Variants in SLC12A1 observed in about 807,000 individuals in gnomAD.
SLC12A1 encodes solute carrier family 12 member 1, also known as Na-K-2Cl cotransporter.
Under a neutral mutation model 130.4 loss-of-function variants are expected in SLC12A1, and 89 were observed. The observed-to-expected ratio is 0.68, with a 90% CI of 0.58 to 0.81. SLC12A1 has a LOEUF of 0.81. Ranked by LOEUF, SLC12A1 falls within the 40% of genes least tolerant of loss-of-function variation. The probability of loss-of-function intolerance (pLI) is 0.00; values close to 1 mark genes in which losing one functional copy is unlikely to be tolerated. For missense variants in SLC12A1, 1,310 were observed against 1,336.4 expected (o/e 0.98, Z 0.31); for synonymous variants, 499 against 460.0 (o/e 1.08, Z -1.09).
chr15:48,268,945 T>C (rs1485688372), intron 18 of SLC12A1, among the ~76,000 whole-genome samples: 5 of 152,116 alleles, frequency 3.3e-5, no homozygotes, highest in Non-Finnish European at 5.9e-5. Flanking sequence ...GAAGAAATGG[T>C]AGAAAATTTG....
chr15:48,291,915 C>T, intron 24 of SLC12A1, 51 bp downstream of exon 24: 1 of 1,135,336 alleles, frequency 8.8e-7, no homozygotes, highest in South Asian at 1.4e-5. Context: ...CTCTCTCATT[C>T]TCTTTTGTGT....
At chr15:48,269,521 A>T (rs2041869509) in intron 18 of SLC12A1, 137 bp from the exon 19 acceptor site, 1 of 506,752 alleles carries the variant, frequency 2.0e-6, no homozygotes, top group Non-Finnish European at 3.6e-6. Flanking sequence ...GGCATGAAGG[A>T]CATGCACTAA....
At chr15:48,212,640 T>C (rs1020320494) in intron 2 of SLC12A1, among the ~76,000 whole-genome samples, 1 of 152,204 alleles carries the variant, frequency 6.6e-6, no homozygotes, top group Admixed American at 6.5e-5. Flanking sequence ...TTTTCAGCCT[T>C]ACTAACCACC....
At position 48,226,481 on chromosome 15, in the gene SLC12A1, G is replaced by C. The variant is rs752019810; in HGVS notation, c.634G>C (p.Gly212Arg). 6.3e-7 allele frequency: 1 copy of C among 1,580,400 alleles called. No homozygotes were observed. The highest frequency in any genetic ancestry group is 1.2e-5 in the South Asian group (1 of 86,634). Reference sequence around the variant, plus strand: ...CTATCTTTCATTGCTAACAGGTCTTGGAGTTCTCATAATTCTTCTTTCCAC... The same window carrying C: ...CTATCTTTCATTGCTAACAGGTCTTCGAGTTCTCATAATTCTTCTTTCCAC... ...WIVGEAGIGL[G>R]VLIILLSTMV... Residue 212 changes from glycine (G) to arginine (R), a missense_variant, in exon 5 of 27, where the codon GGA (glycine) becomes CGA (arginine). Gly to Arg is a moderately radical substitution (Grantham distance 125, BLOSUM62 -2). Coordinates refer to ENST00000380993, the MANE Select transcript of SLC12A1 (RefSeq NM_000338.3).
At chr15:48,253,940 T>C (rs1753313637) in intron 15 of SLC12A1, among the ~76,000 whole-genome samples, 1 of 152,258 alleles carries the variant, frequency 6.6e-6, no homozygotes, top group African/African-American at 2.4e-5. Context: ...TTGCCATCCA[T>C]ATATCTTTTT....
chr15:48,211,255 G>T (rs534069823), intron 2 of SLC12A1, among the ~76,000 whole-genome samples: 1 of 152,186 alleles, frequency 6.6e-6, no homozygotes, highest in Non-Finnish European at 1.5e-5. Context: ...GCCCATTCTA[G>T]TGTTGCTGAA....
At chr15:48,212,867 A>G (rs2041070166) in intron 2 of SLC12A1, among the ~76,000 whole-genome samples, 1 of 152,246 alleles carries the variant, frequency 6.6e-6, no homozygotes, top group African/African-American at 2.4e-5. Flanking sequence ...TATGCTGTTA[A>G]CAACTACAAA....
At chr15:48,239,807 T>C (rs1048553549) in intron 9 of SLC12A1, among the ~76,000 whole-genome samples, 1 of 151,298 alleles carries the variant, frequency 6.6e-6, no homozygotes, top group Non-Finnish European at 1.5e-5. Context: ...CATACCACCA[T>C]GCACAGCTGA....
intron 2 of SLC12A1, among the ~76,000 whole-genome samples, chr15:48,212,141 T>C (rs938392549): frequency 6.6e-5 from 10 of 152,140 alleles, no homozygotes; most frequent in Admixed American, 6.6e-5. Flanking sequence ...TCGATGATGA[T>C]AGTGGTAATT....
chr15:48,255,728 G>A (rs1292631298), intron 15 of SLC12A1, 83 bp from the exon 16 acceptor site: 2 of 857,504 alleles, frequency 2.3e-6, no homozygotes, highest in Non-Finnish European at 3.7e-6. Flanking sequence ...GAAAATCATA[G>A]AAGGGAATGA....
chr15:48,210,112 A>T (rs1056370046), intron 2 of SLC12A1, among the ~76,000 whole-genome samples: 1 of 152,206 alleles, frequency 6.6e-6, no homozygotes, highest in South Asian at 2.1e-4. Context: ...TGGCAGAGAG[A>T]AAAAGGAGAA....
chr15:48,229,344 T>C lies in SLC12A1; in HGVS notation c.864+16T>C. ...TCTTCTTAAGGTAATTAAAAGCTTT[T>C]CTTTTTTTCTGCCAAGCAGCATAAT... On this transcript the variant is annotated intron_variant, in intron 6 of 26. Transcript: ENST00000380993. The C allele has an allele frequency of 6.3e-7, 1 of 1,575,760 alleles. No individual in the cohort carries two copies. Among genetic ancestry groups the C allele is most frequent in the Non-Finnish European group, 8.6e-7 (1 of 1,159,338 alleles).
chr15:48,252,583 G>A (rs1399992902), intron 15 of SLC12A1, among the ~76,000 whole-genome samples: 2 of 152,164 alleles, frequency 1.3e-5, no homozygotes, highest in African/African-American at 2.4e-5. Context: ...GGGAGGGAAG[G>A]ATTAACTTTG....
At chr15:48,237,168 A>G (rs2041449199) in intron 9 of SLC12A1, 1 of 623,462 alleles carries the variant, frequency 1.6e-6, no homozygotes, top group Non-Finnish European at 2.9e-6. Flanking sequence ...GGGACACTCA[A>G]TCCAGGTTTT....
intron 4 of SLC12A1, chr15:48,223,780 A>G (rs2141022845): frequency 6.6e-6 from 1 of 152,340 alleles, no homozygotes; most frequent in Admixed American, 6.5e-5. Context: ...ACTGCTCACC[A>G]CAGTATCCCT....
intron 13 of SLC12A1, among the ~76,000 whole-genome samples, chr15:48,249,074 T>C (rs992984288): frequency 7.9e-5 from 12 of 152,116 alleles, no homozygotes; most frequent in Non-Finnish European, 1.6e-4. Flanking sequence ...TTGGCTAGCC[T>C]TCAGAGGTAG....
intron 13 of SLC12A1, among the ~76,000 whole-genome samples, chr15:48,248,172 G>T (rs934860551): frequency 1.3e-5 from 2 of 152,164 alleles, no homozygotes; most frequent in African/African-American, 4.8e-5. Context: ...ACACATAGGC[G>T]GGCAGAGACT....
chr15:48,285,067 G>T, intron 20 of SLC12A1, 39 bp from the exon 21 acceptor site: 1 of 1,481,952 alleles, frequency 6.7e-7, no homozygotes, highest in African/African-American at 1.4e-5. Context: ...AAACTTTGTA[G>T]TTCTGAGTTA....
chr15:48,289,847 C>T (rs1206795530), intron 23 of SLC12A1, among the ~76,000 whole-genome samples: 1 of 152,002 alleles, frequency 6.6e-6, no homozygotes, highest in Non-Finnish European at 1.5e-5. Flanking sequence ...ATGTGAGGCC[C>T]CAGGACACGA....
Sources: allele counts gnomAD v4.1 joint callset (sites outside exome capture counted in the v4.1 genomes callset), GRCh38; gene constraint gnomAD v4.1.1; transcripts MANE v1.5; gene names NCBI Gene and HGNC (gene_info 2026-07-23, HGNC 2026-07-21).